The following MYO3B variants were observed in gnomAD, a reference collection of about 807,000 sequenced individuals.
MYO3B encodes myosin IIIB.
In MYO3B, 156 loss-of-function variants were observed where a neutral mutation model predicts 174.6. The ratio of observed to expected loss-of-function variants is 0.89; its 90% confidence interval spans 0.78 to 1.02. The LOEUF is 1.02. Ranked by LOEUF, MYO3B falls within the 50% of genes least tolerant of loss-of-function variation. MYO3B has a pLI of 0.00. For missense variants in MYO3B, 1,632 were observed against 1,639.4 expected, an observed-to-expected ratio of 1.00 and a Z score of 0.08; for synonymous variants, 563 against 569.1, an observed-to-expected ratio of 0.99 and a Z score of 0.15.
At chr2:170,353,079 C>T (rs1290912238) in intron 8 of MYO3B, among the ~76,000 whole-genome samples, 1 of 152,172 alleles carries the variant, frequency 6.6e-6, no homozygotes, top group Non-Finnish European at 1.5e-5. Flanking sequence ...GAATTGAAAA[C>T]TTATATACAC....
At chr2:170,253,832 A>T (rs541958800) in intron 7 of MYO3B, among the ~76,000 whole-genome samples, 21 of 146,650 alleles carry the variant, frequency 1.4e-4, no homozygotes, top group African/African-American at 5.3e-4. Context: ...AGATTTCACC[A>T]CTGGATATGA....
chr2:170,473,465 T>A (rs888624925), intron 25 of MYO3B, among the ~76,000 whole-genome samples: 3 of 152,092 alleles, frequency 2.0e-5, no homozygotes, highest in Admixed American at 6.6e-5. Context: ...CTATTTTCTT[T>A]TATCATCCCT....
intron 22 of MYO3B, among the ~76,000 whole-genome samples, chr2:170,427,074 A>G (rs936411289): frequency 6.6e-6 from 1 of 152,168 alleles, no homozygotes; most frequent in Non-Finnish European, 1.5e-5. Flanking sequence ...AGGTTGTAAC[A>G]TCTATAAGGA....
chr2:170,651,817 T>A, intron 33 of MYO3B, 83 bp downstream of exon 33: 1 of 1,168,294 alleles, frequency 8.6e-7, no homozygotes, highest in South Asian at 1.2e-5. Context: ...TTCCAGCCCC[T>A]GCAGCCCCAC....
intron 32 of MYO3B, among the ~76,000 whole-genome samples, chr2:170,634,949 T>G (rs1241022213): frequency 6.6e-6 from 1 of 151,530 alleles, no homozygotes; most frequent in African/African-American, 2.4e-5. Context: ...TGGCGATAAT[T>G]AAAAAGGAAA....
chr2:170,620,751 G>A (rs750785698), intron 32 of MYO3B, among the ~76,000 whole-genome samples: 2 of 151,720 alleles, frequency 1.3e-5, no homozygotes, highest in African/African-American at 2.4e-5. Context: ...TTTCAGTCTC[G>A]TAACAGGCTG....
At chr2:170,532,757 G>C (rs1426567617) in intron 30 of MYO3B, among the ~76,000 whole-genome samples, 1 of 150,870 alleles carries the variant, frequency 6.6e-6, no homozygotes, top group Admixed American at 6.6e-5. Flanking sequence ...TGGGGGTTGC[G>C]GTGAGCCAAG....
chr2:170,287,584 G>T (rs546211704), intron 7 of MYO3B, among the ~76,000 whole-genome samples: 26 of 151,622 alleles, frequency 1.7e-4, no homozygotes, highest in Middle Eastern at 3.4e-3. Flanking sequence ...GTAGTATTTG[G>T]TTTTTTGCTA....
At chr2:170,646,692 A>G (rs66657267) in intron 32 of MYO3B, among the ~76,000 whole-genome samples, 21,127 of 152,166 alleles carry the variant, frequency 0.14, 1,605 homozygotes, top group African/African-American at 0.17. Context: ...CACCGTGCCC[A>G]GCCAGCTCTG....
At chr2:170,457,413 A>G (rs1217884138) in intron 23 of MYO3B, among the ~76,000 whole-genome samples, 1 of 152,152 alleles carries the variant, frequency 6.6e-6, no homozygotes, top group Non-Finnish European at 1.5e-5. Context: ...ACACAAACAC[A>G]TTGTACAACT....
chr2:170,185,658 T>C (rs1039523238), intron 1 of MYO3B, among the ~76,000 whole-genome samples: 1 of 152,168 alleles, frequency 6.6e-6, no homozygotes, highest in African/African-American at 2.4e-5. Context: ...CATTTTATGA[T>C]GTTTTTTCTA....
At chr2:170,513,593 C>A (rs1688113830) in intron 28 of MYO3B, among the ~76,000 whole-genome samples, 1 of 152,192 alleles carries the variant, frequency 6.6e-6, no homozygotes, top group African/African-American at 2.4e-5. Context: ...AAGTCACATT[C>A]TGAGGTTCTG....
At chr2:170,410,592 GA>G (rs59296953) in intron 22 of MYO3B, among the ~76,000 whole-genome samples, 77,499 of 113,252 alleles carry the variant, frequency 0.68, 24,401 homozygotes, top group Middle Eastern at 0.81. Flanking sequence ...CAAAAAAAAA[GA>G]AAAAAAAAAA....
chr2:170,272,084 T>TTTG (rs1288542344), intron 7 of MYO3B, among the ~76,000 whole-genome samples: 3 of 151,234 alleles, frequency 2.0e-5, no homozygotes, highest in Non-Finnish European at 4.4e-5. Context: ...AAGGGAAACT[T>TTTG]TTTTTTTTTT....
intron 32 of MYO3B, among the ~76,000 whole-genome samples, chr2:170,546,125 G>A (rs1690465029): frequency 6.6e-6 from 1 of 151,964 alleles, no homozygotes; most frequent in African/African-American, 2.4e-5. Context: ...TGCTCCACAT[G>A]TCCTTCTTCC....
chr2:170,371,932 A>C, intron 9 of MYO3B, among the ~76,000 whole-genome samples: 1 of 151,020 alleles, frequency 6.6e-6, no homozygotes, highest in South Asian at 2.1e-4. Context: ...GCAAGACCTC[A>C]TCTCTACTAA....
intron 32 of MYO3B, among the ~76,000 whole-genome samples, chr2:170,569,920 A>G (rs559725962): frequency 6.6e-6 from 1 of 151,494 alleles, no homozygotes; most frequent in East Asian, 1.9e-4. Flanking sequence ...TTGCTCTTCT[A>G]TTCCCTAAAT....
intron 22 of MYO3B, among the ~76,000 whole-genome samples, chr2:170,427,791 G>A (rs1456034939): frequency 2.0e-5 from 3 of 152,068 alleles, no homozygotes; most frequent in African/African-American, 7.2e-5. Flanking sequence ...AAAATAACTG[G>A]TAAATGTGAA....
At chr2:170,276,958 C>T (rs1164263097) in intron 7 of MYO3B, among the ~76,000 whole-genome samples, 2 of 152,216 alleles carry the variant, frequency 1.3e-5, no homozygotes, top group African/African-American at 4.8e-5. Context: ...TAAATGGGCT[C>T]TAAAGGTAAA....
Sources: allele counts gnomAD v4.1 joint callset (sites outside exome capture counted in the v4.1 genomes callset), GRCh38; gene constraint gnomAD v4.1.1; transcripts MANE v1.5; gene names NCBI Gene and HGNC (gene_info 2026-07-23, HGNC 2026-07-21).